The following GALNT11 variants were observed in gnomAD, a reference collection of about 807,000 sequenced individuals.
GALNT11 encodes polypeptide N-acetylgalactosaminyltransferase 11.
A neutral mutation model predicts 72.7 loss-of-function variants in GALNT11; 47 were observed. That is an observed-to-expected ratio of 0.65 (90% CI 0.51 to 0.82). The LOEUF (loss-of-function observed/expected upper bound fraction) is 0.82, where lower values mean the gene tolerates loss of function less well. Among genes scored for constraint, GALNT11 ranks in the 40% least tolerant of loss-of-function variants. The probability of loss-of-function intolerance (pLI) is 0.00; values close to 1 mark genes in which losing one functional copy is unlikely to be tolerated. For missense variants in GALNT11, 677 were observed against 778.4 expected (o/e 0.87, Z 1.55); for synonymous variants, 270 against 286.6 (o/e 0.94, Z 0.58).
At chr7:152,027,107 G>A (rs928379119) in intron 1 of GALNT11, among the ~76,000 whole-genome samples, 1 of 152,074 alleles carries the variant, frequency 6.6e-6, no homozygotes, top group Admixed American at 6.5e-5. Context: ...AAATAAGCCG[G>A]GCGTGGTGGC....
Position 152,078,287 on chromosome 7 carries a change from C to G in GALNT11, c.-38-15903C>G, listed in dbSNP as rs1207510504. 2.6e-5 allele frequency among the ~76,000 whole-genome samples: 4 copies of G among 152,148 alleles called. No individual in the cohort carries two copies. In the East Asian group the frequency reaches 7.7e-4, roughly 29 times the overall value. ...CTGGAGTGCAATGGTACAGTATCGG[C>G]TTACCCCAAATCCAAGTGATTCTTC... On this transcript the variant is annotated intron_variant, in intron 1 of 11. Transcript: ENST00000430044.
chr7:152,108,566 C>T (rs1362277591), intron 6 of GALNT11, among the ~76,000 whole-genome samples: 2 of 152,158 alleles, frequency 1.3e-5, no homozygotes, highest in Admixed American at 6.5e-5. Context: ...GGGAGGGCCC[C>T]GTGTGGTGGT....
intron 8 of GALNT11, 29 bp from the exon 9 acceptor site, chr7:152,117,128 T>A: frequency 6.4e-7 from 1 of 1,563,386 alleles, no homozygotes; most frequent in South Asian, 1.2e-5. Context: ...AAAATTCGAT[T>A]TTCTTATTTT....
rs780729346 is a variant in GALNT11 at position 152,117,307 on chromosome 7, G to A, written c.1384G>A (p.Ala462Thr). Residue 462 changes from alanine to threonine, a missense_variant, in exon 9 of 12, where the codon GCC (alanine) becomes ACC (threonine). Ala to Thr is a moderately conservative substitution (Grantham distance 58). Transcript: ENST00000430044. Reference protein sequence around the residue: ...YPEMQISGSHAKPQQPIFVNR... With the variant: ...YPEMQISGSHTKPQQPIFVNR... Reference sequence around the variant, plus strand: ...AGAGATGCAGATATCTGGGTCCCACGCCAAACCCCAACAACCCATTTTTGT... The same window carrying A: ...AGAGATGCAGATATCTGGGTCCCACACCAAACCCCAACAACCCATTTTTGT... 4.3e-6 allele frequency: 7 copies of A among 1,613,982 alleles called. No individual in the cohort carries two copies. The highest frequency in any genetic ancestry group is 3.3e-5 in the South Asian group (3 of 91,088).
At chr7:152,067,299 C>A (rs908026946) in intron 1 of GALNT11, among the ~76,000 whole-genome samples, 2 of 152,164 alleles carry the variant, frequency 1.3e-5, no homozygotes, top group Non-Finnish European at 2.9e-5. Context: ...CCCACCCTCC[C>A]TTCTTGTACT....
intron 3 of GALNT11, 114 bp from the exon 4 acceptor site, chr7:152,102,998 G>C: frequency 2.1e-6 from 2 of 953,800 alleles, no homozygotes; most frequent in Non-Finnish European, 1.5e-6. Flanking sequence ...AAAAAAAAAG[G>C]CAGGGGGTGG....
rs575155701 is a variant in GALNT11, at chr7:152,084,610, C to G, written c.-38-9580C>G. 2.0e-5 allele frequency among the ~76,000 whole-genome samples: 3 copies of G among 152,268 alleles called. No individual in the cohort carries two copies. The East Asian group carries it at 5.8e-4, about 29-fold the overall frequency. ...AACTGGTTAGCCGTCTTTCTTGCCT[C>G]TCCTTCTTCACAATAAGCATTCATT... On this transcript the variant is annotated intron_variant, in intron 1 of 11. Transcript: ENST00000430044.
At chr7:152,080,081 T>A (rs1013919344) in intron 1 of GALNT11, among the ~76,000 whole-genome samples, 1 of 152,236 alleles carries the variant, frequency 6.6e-6, no homozygotes, top group African/African-American at 2.4e-5. Flanking sequence ...AAAAGGTGGT[T>A]AAGAATTTCA....
rs1377854467 is a variant in GALNT11, at chr7:152,049,637, T to C, written c.-39+23753T>C. On this transcript the variant is annotated intron_variant, in intron 1 of 11. Transcript: ENST00000430044. ...CTTGGTAACCACTGTGGCTACTGCC[T>C]ATATTTGCTCAAGGCCCTAAGGCTC... is the stretch of plus-strand genomic sequence containing the variant. Among the ~76,000 whole-genome samples, 5 of 152,158 alleles carry C rather than the reference T, an allele frequency of 3.3e-5. No individual in the cohort carries two copies. The East Asian group carries it at 9.7e-4, about 29-fold the overall frequency.
In GALNT11 at chr7:152,107,886, A is replaced by G. The variant is rs535882601; in HGVS notation, c.713-152A>G. On this transcript the variant is annotated intron_variant, in intron 5 of 11. Transcript: ENST00000430044. ...AGGGACGTCCTTGTTGACCACCGGCAGTGAAGTGTAGTGGAGCAGTTAGGC... is the reference window on the plus strand; with the variant it reads ...AGGGACGTCCTTGTTGACCACCGGCGGTGAAGTGTAGTGGAGCAGTTAGGC... 2.9e-5 allele frequency: 23 copies of G among 780,970 alleles called. No individual in the cohort carries two copies. In the South Asian group the frequency reaches 3.7e-4, roughly 13 times the overall value. 48.4% of individuals were successfully genotyped at this position (780,970 alleles called of 1,614,324 possible).
chr7:152,026,084 G>A (rs925518746), intron 1 of GALNT11, among the ~76,000 whole-genome samples, 200 bp downstream of exon 1: 2 of 152,050 alleles, frequency 1.3e-5, no homozygotes, highest in African/African-American at 4.8e-5. Flanking sequence ...CTCCCCCAGC[G>A]TCTCCTGAGG....
intron 1 of GALNT11, among the ~76,000 whole-genome samples, chr7:152,032,859 G>A (rs552529190): frequency 1.8e-4 from 27 of 152,340 alleles, no homozygotes; most frequent in African/African-American, 6.5e-4. Context: ...GGCGTGACAA[G>A]AAAGGTGTGT....
chr7:152,067,534 G>A (rs114987694), intron 1 of GALNT11, among the ~76,000 whole-genome samples: 4,045 of 152,032 alleles, frequency 0.027, 179 homozygotes, highest in African/African-American at 0.092. Context: ...CGGCTATTAC[G>A]AGCTCTTCAT....
chr7:152,069,084 G>A (rs537926454), intron 1 of GALNT11, among the ~76,000 whole-genome samples: 30 of 152,190 alleles, frequency 2.0e-4, no homozygotes, highest in African/African-American at 6.5e-4. Flanking sequence ...AATGCTGCAC[G>A]TTTTTCTCTA....
At chr7:152,066,513 C>T (rs189501473) in intron 1 of GALNT11, among the ~76,000 whole-genome samples, 1 of 152,342 alleles carries the variant, frequency 6.6e-6, no homozygotes, top group African/African-American at 2.4e-5. Flanking sequence ...GCAGAAATCA[C>T]CCGTCTTCTG....
At chr7:152,055,520 CGTGTGTGTGTGTGTGTGTGTGTGT>C (rs3031460) in intron 1 of GALNT11, among the ~76,000 whole-genome samples, 5 of 136,444 alleles carry the variant, frequency 3.7e-5, no homozygotes, top group East Asian at 2.2e-4. Context: ...ATATATAAAG[CGTGTGTGTGTGTGTGTGTGTGTGT>C]GTGTGTGTGT....
chr7:152,029,027 C>G (rs988058859), intron 1 of GALNT11, among the ~76,000 whole-genome samples: 7 of 152,176 alleles, frequency 4.6e-5, no homozygotes, highest in African/African-American at 1.7e-4. Context: ...TTGTCCAACT[C>G]CAGAGGTTGG....
At chr7:152,104,299 A>AG (rs1256717378) in intron 4 of GALNT11, 5 of 152,258 alleles carry the variant, frequency 3.3e-5, no homozygotes, top group Admixed American at 1.3e-4. Context: ...GCAGGAACAC[A>AG]GTGGTACAGG....
intron 1 of GALNT11, among the ~76,000 whole-genome samples, chr7:152,050,000 C>T (rs889678071): frequency 2.6e-5 from 4 of 152,098 alleles, no homozygotes; most frequent in Non-Finnish European, 2.9e-5. Context: ...ACTCTCCCTT[C>T]GGGGCAGCAG....
Sources: allele counts gnomAD v4.1 joint callset (sites outside exome capture counted in the v4.1 genomes callset), GRCh38; gene constraint gnomAD v4.1.1; transcripts MANE v1.5; gene names NCBI Gene and HGNC (gene_info 2026-07-23, HGNC 2026-07-21).